The following SH3PXD2A variants were observed in gnomAD, a reference collection of about 807,000 sequenced individuals.
SH3PXD2A encodes the protein SH3 and PX domains 2A.
A neutral mutation model predicts 115.2 loss-of-function variants in SH3PXD2A; 32 were observed. The observed-to-expected ratio is 0.28, with a 90% CI of 0.21 to 0.37. The LOEUF (loss-of-function observed/expected upper bound fraction) is 0.37. Among genes scored for constraint, SH3PXD2A ranks in the 10% least tolerant of loss-of-function variants. The pLI is 1.00. For synonymous variants in SH3PXD2A, 610 were observed against 629.1 expected, an observed-to-expected ratio of 0.97 and a Z score of 0.45; for missense variants, 1,328 against 1,498.7, an observed-to-expected ratio of 0.89 and a Z score of 1.88.
intron 1 of SH3PXD2A, among the ~76,000 whole-genome samples, chr10:103,814,012 A>C (rs201075026): frequency 0.16 from 22,680 of 142,850 alleles, 2,205 homozygotes; most frequent in South Asian, 0.29. Flanking sequence ...AAAAAAAAAA[A>C]AAACAACAAA....
At chr10:103,723,967 GT>G (rs2038211382) in intron 5 of SH3PXD2A, among the ~76,000 whole-genome samples, 2 of 152,142 alleles carry the variant, frequency 1.3e-5, no homozygotes, top group Non-Finnish European at 2.9e-5. Flanking sequence ...TATATTTTCT[GT>G]TATCTCATCT....
At chr10:103,657,942 C>T (rs2037234962) in intron 8 of SH3PXD2A, among the ~76,000 whole-genome samples, 1 of 152,242 alleles carries the variant, frequency 6.6e-6, no homozygotes, top group Non-Finnish European at 1.5e-5. Flanking sequence ...TTCTCAGCCT[C>T]CCTGCATGAC....
intron 1 of SH3PXD2A, among the ~76,000 whole-genome samples, chr10:103,813,607 C>T (rs1211972559): frequency 2.6e-5 from 4 of 152,206 alleles, no homozygotes; most frequent in South Asian, 2.1e-4. Context: ...TGTGGGCCAC[C>T]GTGCCTGGCC....
intron 3 of SH3PXD2A, among the ~76,000 whole-genome samples, chr10:103,738,050 G>C (rs2038399741): frequency 6.6e-6 from 1 of 152,158 alleles, no homozygotes; most frequent in Non-Finnish European, 1.5e-5. Flanking sequence ...TGCTTGCTGG[G>C]TCATTCTTGT....
intron 5 of SH3PXD2A, among the ~76,000 whole-genome samples, chr10:103,716,940 C>T (rs377576016): frequency 2.6e-5 from 4 of 152,224 alleles, no homozygotes; most frequent in Non-Finnish European, 4.4e-5. Flanking sequence ...CGCTTCCACC[C>T]GGGATGTCCC....
rs192696691 is a variant in SH3PXD2A at position 103,749,613 on chromosome 10, C to T, written c.230-13805G>A. On this transcript the variant is annotated intron_variant, in intron 3 of 14. Coordinates refer to ENST00000369774, the MANE Select transcript of SH3PXD2A (RefSeq NM_001394015.1). ...CATAGAACTGAGGACTCAAAGGAGG[C>T]TGTGGAAGTCAGCCTCCAAGATGGC... Among the ~76,000 whole-genome samples the T allele has an allele frequency of 3.3e-5, 5 of 152,344 alleles. No individual in the cohort carries two copies. In the East Asian group the frequency reaches 9.6e-4, roughly 29 times the overall value.
rs1198436405 is a variant in SH3PXD2A at position 103,693,194 on chromosome 10, G to C, written c.399-138C>G. ...ATGTGATGCCCACGGCCGGCTAGCC[G>C]CGCGCTCCGCAGCCGCACGCACTGC... On this transcript the variant is annotated intron_variant, in intron 5 of 14. Transcript: ENST00000369774. 6 of 370,664 alleles carry C rather than the reference G, an allele frequency of 1.6e-5. No homozygotes were observed. The East Asian group carries it at 2.8e-4, about 17-fold the overall frequency. The allele number at this position is 370,664 out of a possible 1,614,324, so 23.0% of individuals were successfully genotyped here. A position where few individuals can be genotyped will look rare whatever the true frequency, so the allele number is the denominator to read the frequency against.
intron 1 of SH3PXD2A, among the ~76,000 whole-genome samples, chr10:103,853,479 G>A (rs1842914446): frequency 6.6e-6 from 1 of 152,202 alleles, no homozygotes; most frequent in Non-Finnish European, 1.5e-5. Flanking sequence ...TGAGGCTGGG[G>A]GAGGTTTAAA....
chr10:103,605,096 G>A (rs143553749), intron 14 of SH3PXD2A, among the ~76,000 whole-genome samples: 5 of 152,358 alleles, frequency 3.3e-5, no homozygotes, highest in Middle Eastern at 3.4e-3. Context: ...AGAGTGGCAT[G>A]AATGCTGGAA....
intron 1 of SH3PXD2A, among the ~76,000 whole-genome samples, chr10:103,808,494 G>A (rs1370340778): frequency 2.0e-5 from 3 of 151,788 alleles, no homozygotes; most frequent in East Asian, 1.9e-4. Flanking sequence ...CAAGTGATCC[G>A]CCCACCTCAG....
intron 1 of SH3PXD2A, among the ~76,000 whole-genome samples, chr10:103,818,484 G>A (rs1248773833): frequency 1.3e-5 from 2 of 152,100 alleles, no homozygotes; most frequent in African/African-American, 4.8e-5. Flanking sequence ...CAAAGAAACC[G>A]GCTCTTTAAC....
At chr10:103,669,680 C>T (rs914201767) in intron 6 of SH3PXD2A, among the ~76,000 whole-genome samples, 1 of 152,234 alleles carries the variant, frequency 6.6e-6, no homozygotes, top group Non-Finnish European at 1.5e-5. Context: ...GCTGCTTTCT[C>T]TGCTGGGCTG....
At chr10:103,607,785 CTT>C (rs2036347743) in intron 13 of SH3PXD2A, among the ~76,000 whole-genome samples, 1 of 152,174 alleles carries the variant, frequency 6.6e-6, no homozygotes, top group South Asian at 2.1e-4. Context: ...ACATGGGAGA[CTT>C]TTCATTTTGT....
At chr10:103,830,395 G>A (rs1403502287) in intron 1 of SH3PXD2A, among the ~76,000 whole-genome samples, 4 of 152,228 alleles carry the variant, frequency 2.6e-5, no homozygotes, top group Non-Finnish European at 5.9e-5. Context: ...GTATTACCAA[G>A]TGTTGATGAG....
chr10:103,596,584 A>ACC lies in SH3PXD2A; in HGVS notation c.*5230_*5231dup, dbSNP rs1226310293. The ACC allele has an allele frequency of 6.6e-6, 1 of 150,526 alleles. No homozygotes were observed. Among genetic ancestry groups the ACC allele is most frequent in the Non-Finnish European group, 1.5e-5 (1 of 67,644 alleles). The allele number at this position is 150,526 out of a possible 1,614,324, so 9.3% of individuals were successfully genotyped here. A position where few individuals can be genotyped will look rare whatever the true frequency, so the allele number is the denominator to read the frequency against. On this transcript the variant is annotated 3_prime_UTR_variant, in exon 15 of 15. Coordinates refer to ENST00000369774, the MANE Select transcript of SH3PXD2A (RefSeq NM_001394015.1). ...CTTGCCTGGTATTTTTTTTTCTCTA[A>ACC]CCCCATGTTATTTAGTTCAAGTGGG... is the stretch of plus-strand genomic sequence containing the variant.
intron 1 of SH3PXD2A, among the ~76,000 whole-genome samples, chr10:103,805,425 G>A (rs1293487870): frequency 6.6e-6 from 1 of 152,172 alleles, no homozygotes. Context: ...CAACCTTCAG[G>A]GCTGCCAGTA....
chr10:103,707,958 C>A (rs1205885138), intron 5 of SH3PXD2A, among the ~76,000 whole-genome samples: 1 of 152,214 alleles, frequency 6.6e-6, no homozygotes, highest in African/African-American at 2.4e-5. Flanking sequence ...CCTCCCTCAG[C>A]ACCCAAGTTC....
intron 8 of SH3PXD2A, among the ~76,000 whole-genome samples, chr10:103,639,803 G>C (rs914521456): frequency 8.5e-5 from 13 of 152,228 alleles, no homozygotes; most frequent in Non-Finnish European, 1.3e-4. Flanking sequence ...TGTCACAACT[G>C]TAAATGATGT....
At chr10:103,704,563 T>A (rs1393313849) in intron 5 of SH3PXD2A, among the ~76,000 whole-genome samples, 1 of 152,180 alleles carries the variant, frequency 6.6e-6, no homozygotes, top group Non-Finnish European at 1.5e-5. Context: ...GACAGCCAAG[T>A]CTGGATCCCC....
Sources: allele counts gnomAD v4.1 joint callset (sites outside exome capture counted in the v4.1 genomes callset), GRCh38; gene constraint gnomAD v4.1.1; transcripts MANE v1.5; gene names NCBI Gene and HGNC (gene_info 2026-07-23, HGNC 2026-07-21).